ITFG1: variants seen among roughly 807,000 people sequenced by gnomAD.
The protein encoded by ITFG1 is integrin alpha FG-GAP repeat containing 1.
A neutral mutation model predicts 81.8 loss-of-function variants in ITFG1; 34 were observed. That is an observed-to-expected ratio of 0.42 (90% CI 0.32 to 0.55). The LOEUF (loss-of-function observed/expected upper bound fraction) is 0.55. Ranked by LOEUF, ITFG1 falls within the 20% of genes least tolerant of loss-of-function variation. The probability of loss-of-function intolerance (pLI) is 0.17; values close to 1 mark genes in which losing one functional copy is unlikely to be tolerated. For missense variants in ITFG1, 672 were observed against 755.4 expected (o/e 0.89, Z 1.29); for synonymous variants, 285 against 270.6 (o/e 1.05, Z -0.52).
intron 5 of ITFG1, among the ~76,000 whole-genome samples, chr16:47,438,522 C>T (rs1361142782): frequency 1.3e-5 from 2 of 152,168 alleles, no homozygotes; most frequent in Non-Finnish European, 2.9e-5. Flanking sequence ...GCATTTGCGG[C>T]TCACCAATAT....
chr16:47,208,646 TA>T (rs2151523274), intron 14 of ITFG1, among the ~76,000 whole-genome samples: 1 of 152,348 alleles, frequency 6.6e-6, no homozygotes, highest in Admixed American at 6.5e-5. Flanking sequence ...TGGTAATCAA[TA>T]AAACTTCTAG....
chr16:47,225,732 A>G (rs764166881), intron 13 of ITFG1, among the ~76,000 whole-genome samples: 1 of 152,218 alleles, frequency 6.6e-6, no homozygotes, highest in Non-Finnish European at 1.5e-5. Context: ...AAATTAACAT[A>G]TTGCCAGATA....
At chr16:47,430,951 C>T (rs1233269597) in intron 5 of ITFG1, among the ~76,000 whole-genome samples, 1 of 152,072 alleles carries the variant, frequency 6.6e-6, no homozygotes, top group African/African-American at 2.4e-5. Flanking sequence ...AATGGATAAA[C>T]AAAATGTCAT....
intron 14 of ITFG1, among the ~76,000 whole-genome samples, chr16:47,201,826 C>A (rs1258247180): frequency 6.6e-6 from 1 of 152,160 alleles, no homozygotes; most frequent in African/African-American, 2.4e-5. Context: ...AAGGGCTGAC[C>A]TTGTATTGTT....
intron 14 of ITFG1, 171 bp downstream of exon 14, chr16:47,218,697 T>C (rs1458414345): frequency 2.7e-6 from 1 of 372,744 alleles, no homozygotes; most frequent in East Asian, 4.0e-5. Flanking sequence ...ACATTTTTTG[T>C]CATAAGAACC....
chr16:47,345,989 C>T (rs545238345), intron 8 of ITFG1, among the ~76,000 whole-genome samples: 4 of 152,250 alleles, frequency 2.6e-5, no homozygotes, highest in African/African-American at 7.2e-5. Flanking sequence ...TAAGGAACTA[C>T]CAGAATTGAA....
intron 6 of ITFG1, among the ~76,000 whole-genome samples, chr16:47,391,756 G>T (rs370731408): frequency 3.3e-5 from 5 of 152,024 alleles, no homozygotes; most frequent in African/African-American, 1.2e-4. Context: ...TGAAGGATTT[G>T]GTTATTAAAT....
rs538376395 is a variant in ITFG1, at chr16:47,356,824, A to C, written c.802+8964T>G. Among the ~76,000 whole-genome samples the C allele has an allele frequency of 2.6e-5, 4 of 152,254 alleles. No homozygotes were observed. In the South Asian group the frequency reaches 8.3e-4, roughly 32 times the overall value. On this transcript the variant is annotated intron_variant, in intron 8 of 17. Transcript: ENST00000320640. ...TTGAAATGGAAGTCAGACGTGTTTGAAAATAGGGCAGGATATTTTCTGCCT... is the reference window on the plus strand; with the variant it reads ...TTGAAATGGAAGTCAGACGTGTTTGCAAATAGGGCAGGATATTTTCTGCCT...
intron 10 of ITFG1, among the ~76,000 whole-genome samples, chr16:47,293,106 G>T (rs970972513): frequency 7.2e-6 from 1 of 139,274 alleles, no homozygotes; most frequent in African/African-American, 2.8e-5. Context: ...ATATACATAT[G>T]ATATATATCA....
intron 10 of ITFG1, among the ~76,000 whole-genome samples, chr16:47,282,846 T>C (rs1476856979): frequency 6.6e-6 from 1 of 152,166 alleles, no homozygotes; most frequent in Non-Finnish European, 1.5e-5. Context: ...CTAGTAATGT[T>C]GAATATTTTT....
Position 47,260,582 on chromosome 16 carries a change from T to G in ITFG1, c.1184A>C (p.Asp395Ala), listed in dbSNP as rs776180299. 10 of 1,614,184 alleles carry G rather than the reference T, an allele frequency of 6.2e-6. No individual in the cohort carries two copies. The highest frequency in any genetic ancestry group is 8.5e-6 in the Non-Finnish European group (10 of 1,180,000). ...WELTDLNQIK[D>A]AMVATFFDIY... is the part of the protein sequence containing the mutation. Reference sequence around the variant, plus strand: ...GTCAAAGAAGGTGGCAACCATGGCATCCTTAATTTGATTTAGGTCTGTCAG... The same window carrying G: ...GTCAAAGAAGGTGGCAACCATGGCAGCCTTAATTTGATTTAGGTCTGTCAG... Residue 395 changes from aspartate to alanine, a missense_variant, in exon 11 of 18, where the codon GAT (aspartate) becomes GCT (alanine). This residue lies in a region of ITFG1 where 560 missense variants were observed against 625.7 expected (regional missense o/e 0.90). Coordinates refer to ENST00000320640, the MANE Select transcript of ITFG1 (RefSeq NM_030790.5).
chr16:47,365,577 T>G (rs1968166166), intron 8 of ITFG1: 1 of 451,610 alleles, frequency 2.2e-6, no homozygotes, highest in Non-Finnish European at 3.9e-6. Flanking sequence ...TCAAACTATT[T>G]TTTAAACACA....
chr16:47,413,618 C>A (rs1968837565), intron 6 of ITFG1, among the ~76,000 whole-genome samples: 1 of 152,032 alleles, frequency 6.6e-6, no homozygotes, highest in Non-Finnish European at 1.5e-5. Context: ...ATCACTTGAA[C>A]CCAGAAAGTT....
intron 8 of ITFG1, among the ~76,000 whole-genome samples, chr16:47,314,505 T>C (rs1040222023): frequency 3.3e-5 from 5 of 152,118 alleles, no homozygotes; most frequent in Non-Finnish European, 4.4e-5. Context: ...GAAAGGAATA[T>C]AGATATCCTT....
At chr16:47,159,790 A>G (rs1219228868) in intron 16 of ITFG1, among the ~76,000 whole-genome samples, 1 of 152,130 alleles carries the variant, frequency 6.6e-6, no homozygotes, top group Non-Finnish European at 1.5e-5. Context: ...TAATAAAGGT[A>G]AGACTGTTCT....
intron 14 of ITFG1, among the ~76,000 whole-genome samples, chr16:47,167,306 A>G (rs1310281736): frequency 6.6e-6 from 1 of 152,212 alleles, no homozygotes; most frequent in Admixed American, 6.5e-5. Context: ...TGTAACTTGC[A>G]CATATACGCC....
chr16:47,174,836 A>C (rs986882720), intron 14 of ITFG1, among the ~76,000 whole-genome samples: 1 of 152,192 alleles, frequency 6.6e-6, no homozygotes, highest in Non-Finnish European at 1.5e-5. Context: ...AAAGGTTTTA[A>C]ACCACAAGGA....
At chr16:47,225,188 G>C (rs563056198) in intron 13 of ITFG1, among the ~76,000 whole-genome samples, 2 of 151,788 alleles carry the variant, frequency 1.3e-5, no homozygotes, top group African/African-American at 4.8e-5. Flanking sequence ...GATTTAACCT[G>C]GCAAGGAAAT....
chr16:47,229,460 A>G (rs1022365600), intron 13 of ITFG1, among the ~76,000 whole-genome samples: 1 of 152,180 alleles, frequency 6.6e-6, no homozygotes, highest in Non-Finnish European at 1.5e-5. Flanking sequence ...ATAAGGCTGA[A>G]GGGGTAAACC....
Sources: gnomAD v4.1 joint callset for allele counts (sites outside exome capture counted in the v4.1 genomes callset) on GRCh38, gnomAD v4.1.1 for gene constraint, gnomAD v4.1.1 regional missense constraint, MANE v1.5 for transcripts, NCBI Gene and HGNC (gene_info 2026-07-23, HGNC 2026-07-21) for gene names.